PRXL2A: variants seen among roughly 807,000 people sequenced by gnomAD.
PRXL2A encodes the protein peroxiredoxin-like 2A.
A neutral mutation model predicts 25.6 loss-of-function variants in PRXL2A; 26 were observed. The observed-to-expected ratio is 1.02, with a 90% CI of 0.74 to 1.41. The LOEUF (loss-of-function observed/expected upper bound fraction) is 1.41, where lower values mean the gene tolerates loss of function less well. Ranked by LOEUF, PRXL2A falls within the 40% of genes most tolerant of loss-of-function variation. The pLI, the probability that PRXL2A is intolerant of heterozygous loss-of-function variation, is 0.00. For synonymous variants in PRXL2A, 98 were observed against 102.9 expected (o/e 0.95, Z 0.29); for missense variants, 246 against 273.9 (o/e 0.90, Z 0.72).
chr10:80,410,219 C>T (rs1025240782), intron 1 of PRXL2A, among the ~76,000 whole-genome samples: 10 of 152,244 alleles, frequency 6.6e-5, no homozygotes, highest in African/African-American at 2.2e-4. Context: ...TCTGCTGTGG[C>T]TTGTGTGGCA....
chr10:80,427,626 G>A, intron 5 of PRXL2A, 130 bp downstream of exon 5: 1 of 848,030 alleles, frequency 1.2e-6, no homozygotes, highest in Non-Finnish European at 1.9e-6. Context: ...AGCAAGCCAG[G>A]GAACATGAAG....
intron 2 of PRXL2A, among the ~76,000 whole-genome samples, chr10:80,421,647 C>T (rs1219341883): frequency 1.3e-5 from 2 of 151,384 alleles, no homozygotes; most frequent in South Asian, 2.1e-4. Context: ...ACCCACCTGA[C>T]CCCATTTTTT....
At chr10:80,420,716 A>G in intron 2 of PRXL2A, 71 bp downstream of exon 2, 1 of 1,169,192 alleles carries the variant, frequency 8.6e-7, no homozygotes, top group South Asian at 2.5e-5. Context: ...CTTTCTTTCT[A>G]AACTCTCTCC....
intron 1 of PRXL2A, among the ~76,000 whole-genome samples, chr10:80,417,142 AAAG>A (rs1016505223): frequency 2.6e-5 from 4 of 152,266 alleles, no homozygotes; most frequent in African/African-American, 7.2e-5. Context: ...GCAAGAATCA[AAAG>A]AAGCAAAATG....
Position 80,433,098 on chromosome 10 carries a change from G to A in PRXL2A, c.*999G>A, listed in dbSNP as rs1647158013. ...GCATTCTCCATGGCTGAGGGGTAAAGTGCCTCGGGGGATTCCTCTGGTTCT... is the reference window on the plus strand; with the variant it reads ...GCATTCTCCATGGCTGAGGGGTAAAATGCCTCGGGGGATTCCTCTGGTTCT... On this transcript the variant is annotated 3_prime_UTR_variant, in exon 6 of 6. Coordinates refer to ENST00000606162, the MANE Select transcript of PRXL2A (RefSeq NM_032333.5). The A allele has an allele frequency of 6.6e-6, 1 of 152,180 alleles. No individual in the cohort carries two copies. Among genetic ancestry groups the A allele is most frequent in the African/African-American group, 2.4e-5 (1 of 41,434 alleles). The allele number at this position is 152,180 out of a possible 1,614,324, so 9.4% of individuals were successfully genotyped here.
In PRXL2A at chr10:80,430,089, CTTTTTT is replaced by C. The variant is rs753076825; in HGVS notation, c.577-1877_577-1872del. Among the ~76,000 whole-genome samples, 628 of 66,586 alleles carry C rather than the reference CTTTTTT, an allele frequency of 9.4e-3. 3 individuals carry two copies. The highest frequency in any genetic ancestry group is 0.042 in the African/African-American group (595 of 14,144). The allele number at this position is 66,586 out of a possible 152,430, so 43.7% of individuals were successfully genotyped here. On this transcript the variant is annotated intron_variant, in intron 5 of 5. Coordinates refer to ENST00000606162, the MANE Select transcript of PRXL2A (RefSeq NM_032333.5). ...CTAAAATTGGGGTGGTGGGGATTTC[CTTTTTT>C]TTTTTTTTTTTTTTTTTTTCTGGAG...
At chr10:80,416,097 C>G (rs551797917) in intron 1 of PRXL2A, among the ~76,000 whole-genome samples, 1 of 152,210 alleles carries the variant, frequency 6.6e-6, no homozygotes, top group South Asian at 2.1e-4. Context: ...TGGGAAATCT[C>G]TTGTTTACAG....
At chr10:80,421,541 T>A (rs1308287598) in intron 2 of PRXL2A, among the ~76,000 whole-genome samples, 1 of 152,146 alleles carries the variant, frequency 6.6e-6, no homozygotes, top group Non-Finnish European at 1.5e-5. Context: ...TAGGTCACCT[T>A]AGTAAGATAC....
At chr10:80,409,031 G>T (rs913852454) in intron 1 of PRXL2A, 2 of 985,400 alleles carry the variant, frequency 2.0e-6, no homozygotes, top group African/African-American at 1.7e-5. Flanking sequence ...CTGCCCTGGA[G>T]CATGGGCCCG....
intron 1 of PRXL2A, among the ~76,000 whole-genome samples, chr10:80,413,135 C>T (rs1011374966): frequency 1.0e-4 from 14 of 138,930 alleles, no homozygotes; most frequent in Non-Finnish European, 1.9e-4. Context: ...CCCCCACTGT[C>T]CCCCCTCCCT....
intron 1 of PRXL2A, among the ~76,000 whole-genome samples, chr10:80,414,694 G>T (rs1038969958): frequency 6.6e-6 from 1 of 152,202 alleles, no homozygotes; most frequent in African/African-American, 2.4e-5. Flanking sequence ...ACTGCTGCCT[G>T]CTGGCTCTGT....
intron 1 of PRXL2A, among the ~76,000 whole-genome samples, chr10:80,418,098 T>C (rs1365289889): frequency 6.6e-6 from 1 of 151,940 alleles, no homozygotes; most frequent in African/African-American, 2.4e-5. Flanking sequence ...TATTGTGTAG[T>C]GATGGAGACT....
At chr10:80,425,008 A>G (rs1010606262) in intron 3 of PRXL2A, among the ~76,000 whole-genome samples, 1 of 152,212 alleles carries the variant, frequency 6.6e-6, no homozygotes, top group Non-Finnish European at 1.5e-5. Flanking sequence ...CTGCCTCATT[A>G]GTTGTTTTTT....
Position 80,432,205 on chromosome 10 carries a change from T to C in PRXL2A, c.*106T>C. The stretch of plus-strand genomic sequence containing the variant: ...TAAGGAGTGAGAAACCCATTTATAC[T>C]CTACTCTCAGTATGGATTATTAATG... On this transcript the variant is annotated 3_prime_UTR_variant, in exon 6 of 6. Coordinates refer to ENST00000606162, the MANE Select transcript of PRXL2A (RefSeq NM_032333.5). The C allele has an allele frequency of 1.5e-6, 1 of 667,662 alleles. No individual in the cohort carries two copies. Among genetic ancestry groups the C allele is most frequent in the Non-Finnish European group, 2.6e-6 (1 of 383,948 alleles). The allele number at this position is 667,662 out of a possible 1,614,324, so 41.4% of individuals were successfully genotyped here.
intron 2 of PRXL2A, 90 bp from the exon 3 acceptor site, chr10:80,422,327 C>A: frequency 9.8e-7 from 1 of 1,016,970 alleles, no homozygotes; most frequent in Non-Finnish European, 1.5e-6. Flanking sequence ...GGGTCTCTGA[C>A]CTTGGCTGGA....
In PRXL2A at chr10:80,432,998, C is replaced by T. The variant is rs887252469; in HGVS notation, c.*899C>T. 1 of 152,052 alleles carries T rather than the reference C, an allele frequency of 6.6e-6. No homozygotes were observed. Among genetic ancestry groups the T allele is most frequent in the Admixed American group, 6.5e-5 (1 of 15,274 alleles). 9.4% of individuals were successfully genotyped at this position (152,052 alleles called of 1,614,324 possible). ...TAATAAAATTATGCATCAGAAATCA[C>T]CTGTATGTATAAGATTTTCTGATAA... On this transcript the variant is annotated 3_prime_UTR_variant, in exon 6 of 6. Transcript: ENST00000606162.
intron 5 of PRXL2A, among the ~76,000 whole-genome samples, chr10:80,429,050 C>G (rs1845144813): frequency 6.6e-6 from 1 of 152,008 alleles, no homozygotes; most frequent in Non-Finnish European, 1.5e-5. Context: ...TACAGGCACC[C>G]ACCACCACAC....
In PRXL2A at chr10:80,420,447, C is replaced by G. The variant is rs771768382; in HGVS notation, c.-2-19C>G. 1 of 1,557,968 alleles carries G rather than the reference C, an allele frequency of 6.4e-7. No homozygotes were observed. The highest frequency in any genetic ancestry group is 1.4e-5 in the African/African-American group (1 of 72,996). On this transcript the variant is annotated intron_variant, in intron 1 of 5. Coordinates refer to ENST00000606162, the MANE Select transcript of PRXL2A (RefSeq NM_032333.5). The stretch of plus-strand genomic sequence containing the variant: ...CCTGTGGGAGCAGTAACGCCTTCTT[C>G]CTTCTTCTCAATCTCCAGAAATGTC...
In PRXL2A at chr10:80,420,488, A is replaced by G. The variant is rs1295251833; in HGVS notation, c.21A>G (p.Pro7=). 6.3e-7 allele frequency: 1 copy of G among 1,596,490 alleles called. No individual in the cohort carries two copies. The highest frequency in any genetic ancestry group is 1.7e-5 in the Admixed American group (1 of 58,016). Residue 7 remains proline (P), a synonymous_variant, in exon 2 of 6, where the codon CCA becomes CCG. Transcript: ENST00000606162. ...CAGAAATGTCTTTCCTCCAGGACCC[A>G]AGTTTCTTCACCATGGGGATGTGGT... MSFLQD[P]SFFTMGMWSI... is the part of the protein sequence containing the mutation.
Sources: gnomAD v4.1 joint callset for allele counts (sites outside exome capture counted in the v4.1 genomes callset) on GRCh38, gnomAD v4.1.1 for gene constraint, MANE v1.5 for transcripts, NCBI Gene and HGNC (gene_info 2026-07-23, HGNC 2026-07-21) for gene names.